The following MMP16 variants were observed in gnomAD, a reference collection of about 807,000 sequenced individuals.
MMP16 encodes the protein matrix metalloproteinase-16.
MMP16 carries 12 observed loss-of-function variants against 67.8 expected under a neutral mutation model. The ratio of observed to expected loss-of-function variants is 0.18; its 90% CI spans 0.11 to 0.29. The LOEUF (loss-of-function observed/expected upper bound fraction) is 0.29, where lower values mean the gene tolerates loss of function less well. Ranked by LOEUF, MMP16 falls within the 10% of genes least tolerant of loss-of-function variation. The probability of loss-of-function intolerance (pLI) is 1.00; values close to 1 mark genes in which losing one functional copy is unlikely to be tolerated. For synonymous variants in MMP16, 249 were observed against 255.9 expected, an observed-to-expected ratio of 0.97 and a Z score of 0.26; for missense variants, 475 against 765.7, an observed-to-expected ratio of 0.62 and a Z score of 4.48.
intron 1 of MMP16, among the ~76,000 whole-genome samples, chr8:88,232,889 C>A (rs1809883700): frequency 6.6e-6 from 1 of 152,108 alleles, no homozygotes; most frequent in Non-Finnish European, 1.5e-5. Flanking sequence ...AAAACCCCAT[C>A]TTGAAAAATA....
intron 4 of MMP16, among the ~76,000 whole-genome samples, chr8:88,148,479 T>G (rs1251964527): frequency 2.0e-5 from 3 of 152,176 alleles, no homozygotes; most frequent in African/African-American, 7.2e-5. Flanking sequence ...ACATATTTGC[T>G]TATGCAGGGA....
At chr8:88,068,787 T>G (rs969021128) in intron 7 of MMP16, among the ~76,000 whole-genome samples, 1 of 152,128 alleles carries the variant, frequency 6.6e-6, no homozygotes, top group African/African-American at 2.4e-5. Flanking sequence ...CTGCAACCTC[T>G]GCCTCCCGGG....
At chr8:88,184,579 A>AAAAG (rs1337978803) in intron 3 of MMP16, among the ~76,000 whole-genome samples, 1 of 141,198 alleles carries the variant, frequency 7.1e-6, no homozygotes, top group Non-Finnish European at 1.5e-5. Flanking sequence ...AAAAAAAAAA[A>AAAAG]AAAAAAAAAA....
chr8:88,299,930 C>CT (rs1218275716), intron 1 of MMP16, among the ~76,000 whole-genome samples: 18 of 152,106 alleles, frequency 1.2e-4, no homozygotes, highest in Non-Finnish European at 1.8e-4. Flanking sequence ...TTAACATTTA[C>CT]TTTTTGTGTG....
At chr8:88,078,722 A>C (rs1232367514) in intron 6 of MMP16, among the ~76,000 whole-genome samples, 1 of 152,174 alleles carries the variant, frequency 6.6e-6, no homozygotes, top group East Asian at 1.9e-4. Flanking sequence ...AAACCTAATC[A>C]GTAGAACTGA....
intron 1 of MMP16, among the ~76,000 whole-genome samples, chr8:88,273,832 A>C (rs1022923506): frequency 1.3e-5 from 2 of 152,190 alleles, no homozygotes; most frequent in Non-Finnish European, 1.5e-5. Context: ...GAGTATAGAC[A>C]AGAAAAACTG....
rs1020437129 is a variant in MMP16, at chr8:88,254,020, T to C, written c.133-56714A>G. The stretch of plus-strand genomic sequence containing the variant: ...AAAGACACACGTATATGTATGTTCA[T>C]TGTAGCCCTATTCACAATAGCAAAG... On this transcript the variant is annotated intron_variant, in intron 1 of 9. Coordinates refer to ENST00000286614, the MANE Select transcript of MMP16 (RefSeq NM_005941.5). 4.6e-5 allele frequency among the ~76,000 whole-genome samples: 7 copies of C among 152,120 alleles called. No individual in the cohort carries two copies. In the South Asian group the frequency reaches 6.2e-4, roughly 14 times the overall value.
At chr8:88,221,552 C>A (rs1433685812) in intron 1 of MMP16, among the ~76,000 whole-genome samples, 1 of 151,600 alleles carries the variant, frequency 6.6e-6, no homozygotes, top group Non-Finnish European at 1.5e-5. Flanking sequence ...AAATAATAAC[C>A]CCAGAGAGAA....
intron 1 of MMP16, among the ~76,000 whole-genome samples, chr8:88,230,562 CA>C (rs1809842719): frequency 7.1e-6 from 1 of 140,646 alleles, no homozygotes; most frequent in Non-Finnish European, 1.5e-5. Flanking sequence ...TAGTAAGGAT[CA>C]AAAAAGCAAC....
chr8:88,254,874 CATTA>C (rs1432387059), intron 1 of MMP16, among the ~76,000 whole-genome samples: 1 of 151,998 alleles, frequency 6.6e-6, no homozygotes, highest in Non-Finnish European at 1.5e-5. Flanking sequence ...AATCTTAGGC[CATTA>C]ATTGTGACAA....
At chr8:88,198,242 A>C (rs1043686123) in intron 1 of MMP16, among the ~76,000 whole-genome samples, 2 of 152,154 alleles carry the variant, frequency 1.3e-5, no homozygotes, top group African/African-American at 4.8e-5. Context: ...TTTTAAATGC[A>C]CAATCATATG....
chr8:88,186,167 T>C (rs979702122), intron 3 of MMP16, among the ~76,000 whole-genome samples: 15 of 152,186 alleles, frequency 9.9e-5, no homozygotes, highest in African/African-American at 3.6e-4. Context: ...TTGATTATTT[T>C]AGAGATTATA....
At chr8:88,105,626 T>C (rs1809224337) in intron 6 of MMP16, among the ~76,000 whole-genome samples, 1 of 151,494 alleles carries the variant, frequency 6.6e-6, no homozygotes, top group Non-Finnish European at 1.5e-5. Flanking sequence ...ACTTCTCTCA[T>C]TCATGGTAGA....
At chr8:88,298,030 T>C (rs566015754) in intron 1 of MMP16, among the ~76,000 whole-genome samples, 1 of 152,082 alleles carries the variant, frequency 6.6e-6, no homozygotes, top group Admixed American at 6.5e-5. Flanking sequence ...AAAGCAAAAA[T>C]CTAGGCCTGT....
At chr8:88,231,724 T>C (rs1414904469) in intron 1 of MMP16, among the ~76,000 whole-genome samples, 1 of 152,210 alleles carries the variant, frequency 6.6e-6, no homozygotes, top group African/African-American at 2.4e-5. Context: ...CACTCCCCTA[T>C]ACCTAAAGAT....
At position 88,234,994 on chromosome 8, in the gene MMP16, T is replaced by A. The variant is rs1319068049; in HGVS notation, c.133-37688A>T. 9.8e-5 allele frequency among the ~76,000 whole-genome samples: 15 copies of A among 152,302 alleles called. No homozygotes were observed. In the East Asian group the frequency reaches 2.7e-3, roughly 27 times the overall value. ...CCTTGAATTCTAGGAAAATTCTCTT[T>A]ATGTGTTTCTTTCTTTTTGCATTTA... is the stretch of plus-strand genomic sequence containing the variant. On this transcript the variant is annotated intron_variant, in intron 1 of 9. Transcript: ENST00000286614.
intron 2 of MMP16, among the ~76,000 whole-genome samples, chr8:88,193,394 CAG>C (rs1395466863): frequency 6.6e-6 from 1 of 152,008 alleles, no homozygotes; most frequent in East Asian, 1.9e-4. Flanking sequence ...TTCATGGAGA[CAG>C]AGACTAGAAT....
rs139907988 is a variant in MMP16 at position 88,250,653 on chromosome 8, T to C, written c.133-53347A>G. Among the ~76,000 whole-genome samples the C allele has an allele frequency of 7.8e-4, 118 of 152,092 alleles. 1 individual carries two copies. Among genetic ancestry groups the C allele is most frequent in the African/African-American group, 2.5e-3 (102 of 41,516 alleles). The stretch of plus-strand genomic sequence containing the variant: ...TAGGGGCTGAAAACATTTCATCTCT[T>C]AAAATTCATATTAAATATATATAAG... On this transcript the variant is annotated intron_variant, in intron 1 of 9. Coordinates refer to ENST00000286614, the MANE Select transcript of MMP16 (RefSeq NM_005941.5).
intron 3 of MMP16, among the ~76,000 whole-genome samples, chr8:88,171,978 C>T (rs191720358): frequency 6.6e-6 from 1 of 152,080 alleles, no homozygotes; most frequent in Non-Finnish European, 1.5e-5. Context: ...AGGCACCCAC[C>T]AGTACAGCCA....
Sources: gnomAD v4.1 joint callset for allele counts (sites outside exome capture counted in the v4.1 genomes callset) on GRCh38, gnomAD v4.1.1 for gene constraint, MANE v1.5 for transcripts, NCBI Gene and HGNC (gene_info 2026-07-23, HGNC 2026-07-21) for gene names.